Variants in GPD2 observed in about 807,000 individuals in gnomAD.
GPD2 encodes the protein glycerol-3-phosphate dehydrogenase 2, also known as glycerol-3-phosphate dehydrogenase, mitochondrial.
A neutral mutation model predicts 82.4 loss-of-function variants in GPD2; 54 were observed. The ratio of observed to expected loss-of-function variants is 0.66; its 90% CI spans 0.53 to 0.82. The LOEUF (loss-of-function observed/expected upper bound fraction) is 0.82, where lower values mean the gene tolerates loss of function less well. GPD2 is among the 40% of genes least tolerant of loss of function. GPD2 has a pLI of 0.00. For synonymous variants in GPD2, 288 were observed against 306.1 expected (o/e 0.94, Z 0.62); for missense variants, 748 against 896.2 (o/e 0.83, Z 2.11).
chr2:156,557,327 A>G (rs766373400), intron 8 of GPD2, 62 bp from the exon 9 acceptor site: 2 of 995,462 alleles, frequency 2.0e-6, no homozygotes, highest in East Asian at 2.4e-5. Context: ...AGTTTTTCGA[A>G]TGCAGATTAA....
intron 2 of GPD2, among the ~76,000 whole-genome samples, chr2:156,483,150 A>C (rs1215954828): frequency 6.6e-6 from 1 of 152,158 alleles, no homozygotes; most frequent in Non-Finnish European, 1.5e-5. Context: ...AAAAATAACA[A>C]AAAAGAATGA....
At chr2:156,478,600 A>T (rs1196200259) in intron 2 of GPD2, among the ~76,000 whole-genome samples, 1 of 152,154 alleles carries the variant, frequency 6.6e-6, no homozygotes, top group African/African-American at 2.4e-5. Flanking sequence ...CCATTAACTC[A>T]GCTGTCCTCT....
chr2:156,408,029 A>G, the GPD2 span, among the ~76,000 whole-genome samples: 1 of 133,604 alleles, frequency 7.5e-6, no homozygotes, highest in Non-Finnish European at 1.5e-5. Context: ...ATCACGGCTC[A>G]CTGTTGCCTT....
intron 6 of GPD2, among the ~76,000 whole-genome samples, chr2:156,535,245 A>G: frequency 6.6e-6 from 1 of 151,496 alleles, no homozygotes; most frequent in East Asian, 1.9e-4. Context: ...ATTAGATGAG[A>G]TTTTATGCTG....
chr2:156,462,453 A>ATTTT (rs35159143), intron 1 of GPD2, among the ~76,000 whole-genome samples: 1 of 118,186 alleles, frequency 8.5e-6, no homozygotes, highest in Non-Finnish European at 1.7e-5. Flanking sequence ...ACCCGGATAC[A>ATTTT]TTTTTTTTTT....
chr2:156,586,239 A>C lies in GPD2; in HGVS notation c.*3321A>C, dbSNP rs1688210892. On this transcript the variant is annotated 3_prime_UTR_variant, in exon 17 of 17. Coordinates refer to ENST00000438166, the MANE Select transcript of GPD2 (RefSeq NM_000408.5). The stretch of plus-strand genomic sequence containing the variant: ...AAAAAAAGTTTGAAAATATTTTTAC[A>C]AACTGTGTTTTTGATGACACAAAAG... The C allele has an allele frequency of 6.7e-6, 1 of 150,040 alleles. No individual in the cohort carries two copies. The highest frequency in any genetic ancestry group is 1.5e-5 in the Non-Finnish European group (1 of 66,382). 9.3% of individuals were successfully genotyped at this position (150,040 alleles called of 1,614,324 possible).
At chr2:156,509,765 C>T (rs201787160) in intron 3 of GPD2, among the ~76,000 whole-genome samples, 7 of 117,372 alleles carry the variant, frequency 6.0e-5, no homozygotes, top group East Asian at 5.1e-4. Context: ...ATATGTTCTT[C>T]TTTTTTTTTT....
In GPD2 at chr2:156,579,799, G is replaced by T. The variant is rs369946106; in HGVS notation, c.2058+11G>T. 1 of 1,260,568 alleles carries T rather than the reference G, an allele frequency of 7.9e-7. No homozygotes were observed. The highest frequency in any genetic ancestry group is 1.2e-6 in the Non-Finnish European group (1 of 857,022). The allele number at this position is 1,260,568 out of a possible 1,614,324, so 78.1% of individuals were successfully genotyped here. A position where few individuals can be genotyped will look rare whatever the true frequency, so the allele number is the denominator to read the frequency against. ...AATGAATTTTTGCAGGTGAGTTGTG[G>T]TGAAAGGAAACAAGGATATTTGCTT... On this transcript the variant is annotated intron_variant, in intron 16 of 16. Coordinates refer to ENST00000438166, the MANE Select transcript of GPD2 (RefSeq NM_000408.5).
rs943470996 is a variant in GPD2 at position 156,513,481 on chromosome 2, A to G, written c.646A>G (p.Ile216Val). ...CCAGAAGGACAAACTGGTAGGAGCAATTGTCTACTATGACGGTATGTGATG... is the reference window on the plus strand; with the variant it reads ...CCAGAAGGACAAACTGGTAGGAGCAGTTGTCTACTATGACGGTATGTGATG... ...MLQKDKLVGA[I>V]VYYDGQHNDA... Residue 216 changes from isoleucine (I) to valine (V), a missense_variant, in exon 6 of 17, where the codon ATT (isoleucine) becomes GTT (valine). Coordinates refer to ENST00000438166, the MANE Select transcript of GPD2 (RefSeq NM_000408.5). 1 of 1,609,620 alleles carries G rather than the reference A, an allele frequency of 6.2e-7. No homozygotes were observed. The highest frequency in any genetic ancestry group is 1.1e-5 in the South Asian group (1 of 90,948).
chr2:156,412,437 T>TAAAAAAAA, the GPD2 span, among the ~76,000 whole-genome samples: 2 of 143,158 alleles, frequency 1.4e-5, no homozygotes, highest in South Asian at 2.2e-4. Flanking sequence ...ACTTCGTCTG[T>TAAAAAAAA]AAAAAAAAAA....
At chr2:156,415,082 C>T in the GPD2 span, among the ~76,000 whole-genome samples, 1 of 151,708 alleles carries the variant, frequency 6.6e-6, no homozygotes, top group African/African-American at 2.4e-5. Flanking sequence ...ATACATTGCA[C>T]CATATTTGTA....
rs777949639 is a variant in GPD2, at chr2:156,579,009, T to C, written c.1880+8T>C. The stretch of plus-strand genomic sequence containing the variant: ...GCCTTCAGACATTGACAGGTACTTA[T>C]AATAAGTGTCTATCTATCTCTCTTT... On this transcript the variant is annotated splice_region_variant and intron_variant, in intron 14 of 16. Transcript: ENST00000438166. 35 of 1,567,884 alleles carry C rather than the reference T, an allele frequency of 2.2e-5. No individual in the cohort carries two copies. In the African/African-American group the frequency reaches 3.3e-4, roughly 15 times the overall value.
upstream of GPD2, among the ~76,000 whole-genome samples, chr2:156,433,418 T>C (rs1688341815): frequency 6.6e-6 from 1 of 152,086 alleles, no homozygotes; most frequent in Non-Finnish European, 1.5e-5. Flanking sequence ...TCCTCTGACC[T>C]TGTGGCCCTC....
In GPD2 at chr2:156,584,149, C is replaced by G. The variant is rs1222052769; in HGVS notation, c.*1231C>G. On this transcript the variant is annotated 3_prime_UTR_variant, in exon 17 of 17. Coordinates refer to ENST00000438166, the MANE Select transcript of GPD2 (RefSeq NM_000408.5). ...CACACACAGAGTCCAAAGCAAAAGT[C>G]AGTGTGTATTGAATTTAACAAGTAA... 10 of 151,944 alleles carry G rather than the reference C, an allele frequency of 6.6e-5. No individual in the cohort carries two copies. Among genetic ancestry groups the G allele is most frequent in the Admixed American group, 5.3e-4 (8 of 15,220 alleles). 9.4% of individuals were successfully genotyped at this position (151,944 alleles called of 1,614,324 possible). A position where few individuals can be genotyped will look rare whatever the true frequency, so the allele number is the denominator to read the frequency against.
chr2:156,572,916 G>C (rs1365212790), intron 13 of GPD2, among the ~76,000 whole-genome samples: 1 of 152,112 alleles, frequency 6.6e-6, no homozygotes, highest in Non-Finnish European at 1.5e-5. Flanking sequence ...CAAGATCAAG[G>C]CATCAGTAGA....
At chr2:156,432,771 TGA>T, upstream of GPD2, among the ~76,000 whole-genome samples, 2 of 152,338 alleles carry the variant, frequency 1.3e-5, no homozygotes, top group Non-Finnish European at 2.9e-5. Context: ...GATGTGTGTG[TGA>T]AGAGTGGGAG....
chr2:156,472,709 A>G (rs1255471528), intron 1 of GPD2, among the ~76,000 whole-genome samples: 1 of 152,156 alleles, frequency 6.6e-6, no homozygotes, highest in Non-Finnish European at 1.5e-5. Flanking sequence ...GATTAACCCA[A>G]ATGCCAAGGG....
At chr2:156,413,619 A>G in the GPD2 span, among the ~76,000 whole-genome samples, 1 of 151,776 alleles carries the variant, frequency 6.6e-6, no homozygotes, top group South Asian at 2.1e-4. Flanking sequence ...ATAAAAATAA[A>G]TAAGGCCTGG....
At chr2:156,449,160 T>G (rs1682465949) in intron 1 of GPD2, among the ~76,000 whole-genome samples, 2 of 149,790 alleles carry the variant, frequency 1.3e-5, no homozygotes, top group Non-Finnish European at 3.0e-5. Context: ...ATTGGTGAAT[T>G]TTTTTTTTTC....
Sources: gnomAD v4.1 joint callset for allele counts (sites outside exome capture counted in the v4.1 genomes callset) on GRCh38, gnomAD v4.1.1 for gene constraint, MANE v1.5 for transcripts, NCBI Gene and HGNC (gene_info 2026-07-23, HGNC 2026-07-21) for gene names.